The following A1CF variants were observed in gnomAD, a reference collection of about 807,000 sequenced individuals.
The protein encoded by A1CF is APOBEC1 complementation factor.
In A1CF, 48 loss-of-function variants were observed where a neutral mutation model predicts 68.9. That is an observed-to-expected ratio of 0.70 (90% confidence interval 0.55 to 0.89). The LOEUF (loss-of-function observed/expected upper bound fraction) is 0.89. Ranked by LOEUF, A1CF falls within the 40% of genes least tolerant of loss-of-function variation. The pLI is 0.00. For synonymous variants in A1CF, 272 were observed against 260.4 expected (o/e 1.04, Z -0.43); for missense variants, 653 against 718.9 (o/e 0.91, Z 1.05).
At chr10:50,849,824 C>T (rs1444652907) in intron 3 of A1CF, among the ~76,000 whole-genome samples, 2 of 110,672 alleles carry the variant, frequency 1.8e-5, no homozygotes, top group Admixed American at 1.5e-4. Flanking sequence ...GACGGAGTCT[C>T]GCTCTGTCGC....
Position 50,864,092 on chromosome 10 carries a change from T to G in A1CF, c.-93-12A>C, listed in dbSNP as rs893150944. 6.6e-6 allele frequency: 1 copy of G among 152,048 alleles called. No homozygotes were observed. The highest frequency in any genetic ancestry group is 1.5e-5 in the Non-Finnish European group (1 of 68,024). The allele number at this position is 152,048 out of a possible 1,614,324, so 9.4% of individuals were successfully genotyped here. A position where few individuals can be genotyped will look rare whatever the true frequency, so the allele number is the denominator to read the frequency against. ...CACAGCACTGTTATCTAGTTGAGGA[T>G]GGGTGAGAGCAGAAAGGGTCAAAAA... On this transcript the variant is annotated splice_polypyrimidine_tract_variant and intron_variant, in intron 1 of 12. Transcript: ENST00000373997.
rs771577560 is a variant in A1CF, at chr10:50,810,040, T to G, written c.1463A>C (p.His488Pro). The G allele has an allele frequency of 6.2e-7, 1 of 1,613,784 alleles. No homozygotes were observed. Among genetic ancestry groups the G allele is most frequent in the South Asian group, 1.1e-5 (1 of 91,056 alleles). Residue 488 changes from histidine (H) to proline (P), a missense_variant and splice_region_variant, in exon 12 of 13, where the codon CAC becomes CCC. His to Pro is a moderately conservative substitution (Grantham distance 77). Transcript: ENST00000373997. ...ACTCAGCTTTGGAGGTGTGAAAGGG[T>G]GGCTGGAAAGCAAGTCAGTCAGGGT... ...PALASQNPAI[H>P]PFTPPKLSAF...
chr10:50,877,796 T>C (rs73328714), intron 1 of A1CF, among the ~76,000 whole-genome samples: 1,608 of 152,314 alleles, frequency 0.011, 22 homozygotes, highest in African/African-American at 0.037. Flanking sequence ...TAGAAGACCC[T>C]GTCTGTGATA....
intron 4 of A1CF, among the ~76,000 whole-genome samples, chr10:50,843,343 A>AAC (rs983200511): frequency 5.9e-5 from 9 of 152,066 alleles, no homozygotes; most frequent in Admixed American, 1.3e-4. Flanking sequence ...TGAGGCTGTT[A>AAC]ACACACACAC....
At chr10:50,822,131 T>C (rs1224954768) in intron 7 of A1CF, among the ~76,000 whole-genome samples, 2 of 152,204 alleles carry the variant, frequency 1.3e-5, no homozygotes, top group African/African-American at 4.8e-5. Flanking sequence ...ACAAACCAAC[T>C]ATCTATTTTT....
chr10:50,880,431 A>G (rs1483219563), intron 1 of A1CF, among the ~76,000 whole-genome samples: 1 of 152,224 alleles, frequency 6.6e-6, no homozygotes, highest in Non-Finnish European at 1.5e-5. Flanking sequence ...AAGAGATTTT[A>G]TTAACATCAT....
Position 50,802,432 on chromosome 10 carries a change from A to T in A1CF, c.*4297T>A, listed in dbSNP as rs1416895343. The T allele has an allele frequency of 1.3e-5, 2 of 152,190 alleles. No homozygotes were observed. The highest frequency in any genetic ancestry group is 4.8e-5 in the African/African-American group (2 of 41,458). 9.4% of individuals were successfully genotyped at this position (152,190 alleles called of 1,614,324 possible). On this transcript the variant is annotated 3_prime_UTR_variant, in exon 13 of 13. Coordinates refer to ENST00000373997, the MANE Select transcript of A1CF (RefSeq NM_014576.4). ...TATCCTATTAACATTTTCTTTTTAA[A>T]AATATTTATCCAAAGTTTCCTTGTA... is the stretch of plus-strand genomic sequence containing the variant.
Position 50,820,536 on chromosome 10 carries a change from C to A in A1CF, c.867+16G>T. 6.2e-7 allele frequency: 1 copy of A among 1,607,708 alleles called. No individual in the cohort carries two copies. Among genetic ancestry groups the A allele is most frequent in the Non-Finnish European group, 8.5e-7 (1 of 1,177,470 alleles). On this transcript the variant is annotated intron_variant, in intron 8 of 12. Coordinates refer to ENST00000373997, the MANE Select transcript of A1CF (RefSeq NM_014576.4). ...TTGGATGTAATCTGCATATTTTTTT[C>A]TTTCTTCTACCTTACCTTGCCATTT...
chr10:50,868,679 G>T (rs1841109246), intron 1 of A1CF, among the ~76,000 whole-genome samples: 2 of 152,104 alleles, frequency 1.3e-5, no homozygotes, highest in Admixed American at 1.3e-4. Context: ...TGTAAAAGTT[G>T]TTCATAGTGG....
intron 3 of A1CF, 142 bp from the exon 4 acceptor site, chr10:50,844,264 G>A: frequency 8.1e-7 from 1 of 1,228,982 alleles, no homozygotes; most frequent in Non-Finnish European, 1.1e-6. Context: ...GGTTAAAGGA[G>A]AAAAATTAAA....
At chr10:50,859,208 TA>T (rs1270146224) in intron 3 of A1CF, among the ~76,000 whole-genome samples, 1 of 152,190 alleles carries the variant, frequency 6.6e-6, no homozygotes, top group African/African-American at 2.4e-5. Flanking sequence ...TACATTTTTT[TA>T]AATGCAGCAT....
chr10:50,878,567 G>C (rs182115458), intron 1 of A1CF, among the ~76,000 whole-genome samples: 58 of 152,258 alleles, frequency 3.8e-4, no homozygotes, highest in African/African-American at 1.4e-3. Flanking sequence ...CTCCCACTCT[G>C]CTATGCCAAC....
intron 3 of A1CF, chr10:50,850,677 A>G: frequency 6.2e-7 from 1 of 1,613,962 alleles, no homozygotes. Flanking sequence ...TTTCCAGCAA[A>G]GTTTGCAAAA....
At position 50,848,235 on chromosome 10, in the gene A1CF, C is replaced by A. The variant is rs372387792; in HGVS notation, c.100-4113G>T. 3.4e-4 allele frequency among the ~76,000 whole-genome samples: 52 copies of A among 152,266 alleles called. 2 individuals carry two copies. The South Asian group carries it at 9.7e-3, about 29-fold the overall frequency. On this transcript the variant is annotated intron_variant, in intron 3 of 12. Transcript: ENST00000373997. ...GCTTGTAGTTCCATTATCTTTCCTT[C>A]ATTTTTACATTAACACAATATACTA...
At chr10:50,832,197 G>C (rs1839279057) in intron 6 of A1CF, among the ~76,000 whole-genome samples, 1 of 152,170 alleles carries the variant, frequency 6.6e-6, no homozygotes, top group Non-Finnish European at 1.5e-5. Flanking sequence ...GATAAAGAAA[G>C]TATCAGAATT....
chr10:50,821,262 AAAGAT>A (rs1472231999), intron 7 of A1CF, among the ~76,000 whole-genome samples: 1 of 152,222 alleles, frequency 6.6e-6, no homozygotes, highest in Non-Finnish European at 1.5e-5. Context: ...ATCTGGGAAC[AAAGAT>A]AAGTTGCCTG....
At chr10:50,812,774 C>T (rs779038497) in intron 10 of A1CF, among the ~76,000 whole-genome samples, 18 of 152,160 alleles carry the variant, frequency 1.2e-4, no homozygotes, top group Non-Finnish European at 2.5e-4. Context: ...GTTATATTCA[C>T]TTCTACATCT....
intron 1 of A1CF, among the ~76,000 whole-genome samples, chr10:50,885,066 G>A (rs552982994): frequency 5.5e-4 from 84 of 152,228 alleles, no homozygotes; most frequent in Admixed American, 2.4e-3. Context: ...AATGGCAGGC[G>A]GAATCGCAAG....
chr10:50,823,939 A>T (rs1419623536), intron 7 of A1CF: 3 of 152,110 alleles, frequency 2.0e-5, no homozygotes, highest in Non-Finnish European at 4.4e-5. Context: ...TGTTTCCAGA[A>T]ATTTTTCTAG....
Sources: allele counts gnomAD v4.1 joint callset (sites outside exome capture counted in the v4.1 genomes callset), GRCh38; gene constraint gnomAD v4.1.1; transcripts MANE v1.5; gene names NCBI Gene and HGNC (gene_info 2026-07-23, HGNC 2026-07-21).